Variants in TMX2 observed in about 807,000 individuals in gnomAD.
TMX2 encodes thioredoxin-related transmembrane protein 2.
Under a neutral mutation model 33.4 loss-of-function variants are expected in TMX2, and 20 were observed. The observed-to-expected ratio is 0.60, with a 90% confidence interval of 0.42 to 0.87. The LOEUF (loss-of-function observed/expected upper bound fraction) is 0.87. Ranked by LOEUF, TMX2 falls within the 40% of genes least tolerant of loss-of-function variation. The pLI, the probability that TMX2 is intolerant of heterozygous loss-of-function variation, is 0.00. For synonymous variants in TMX2, 166 were observed against 140.7 expected (o/e 1.18, Z -1.27); for missense variants, 340 against 370.7 (o/e 0.92, Z 0.68).
intron 1 of TMX2, among the ~76,000 whole-genome samples, chr11:57,732,978 G>C (rs1948492502): frequency 6.6e-6 from 1 of 152,184 alleles, no homozygotes; most frequent in East Asian, 1.9e-4. Context: ...GTTGCTCCCA[G>C]GCACAAACCT....
chr11:57,732,518 AG>A (rs1565228502), intron 1 of TMX2, among the ~76,000 whole-genome samples: 1 of 152,228 alleles, frequency 6.6e-6, no homozygotes, highest in Non-Finnish European at 1.5e-5. Flanking sequence ...TAAGTATAGG[AG>A]ACCTTTTATA....
chr11:57,740,054 C>G (rs565772262), intron 7 of TMX2, 45 bp from the exon 8 acceptor site: 1 of 1,612,870 alleles, frequency 6.2e-7, no homozygotes, highest in Admixed American at 1.7e-5. Context: ...GCTCTTTACT[C>G]TCCCTTCCAA....
rs141202046 is a variant in TMX2 at position 57,732,661 on chromosome 11, C to T, written c.190-4947C>T. Among the ~76,000 whole-genome samples the T allele has an allele frequency of 5.1e-4, 78 of 152,148 alleles. 1 individual carries two copies. The East Asian group carries it at 0.014, about 28-fold the overall frequency. The stretch of plus-strand genomic sequence containing the variant: ...TTGTTTTTCTGGAAAATTCATGGTT[C>T]ACCTATTTACCTTGCTGATTGGGAC... On this transcript the variant is annotated intron_variant, in intron 1 of 7. Coordinates refer to ENST00000278422, the MANE Select transcript of TMX2 (RefSeq NM_015959.4).
At chr11:57,720,730 TC>T (rs1243352474) in intron 1 of TMX2, among the ~76,000 whole-genome samples, 1 of 152,236 alleles carries the variant, frequency 6.6e-6, no homozygotes, top group African/African-American at 2.4e-5. Context: ...TTCTTTTTTT[TC>T]CTCTGAGTTA....
At position 57,719,020 on chromosome 11, in the gene TMX2, C is replaced by CAT. The variant is rs1157963160; in HGVS notation, c.189+6226_189+6227dup. On this transcript the variant is annotated intron_variant, in intron 1 of 7. Transcript: ENST00000278422. ...CTTAACTAAAAGCTGATATTCAGGC[C>CAT]ATATATATATATATTTTTTTTTTTT... Among the ~76,000 whole-genome samples the CAT allele has an allele frequency of 2.2e-3, 277 of 125,008 alleles. 5 individuals carry two copies. The highest frequency in any genetic ancestry group is 4.1e-3 in the East Asian group (18 of 4,348). The allele number at this position is 125,008 out of a possible 152,430, so 82.0% of individuals were successfully genotyped here.
rs370635378 is a variant in TMX2, at chr11:57,737,679, T to C, written c.250+11T>C. 8.1e-6 allele frequency: 13 copies of C among 1,613,194 alleles called. No homozygotes were observed. Among genetic ancestry groups the C allele is most frequent in the Admixed American group, 1.7e-5 (1 of 59,980 alleles). On this transcript the variant is annotated intron_variant, in intron 2 of 7. Transcript: ENST00000278422. ...AGAACCGCAGATCCAGTAAGTTTAGTTCACTTCTCAGACTCAAGGTTAGAT... is the reference window on the plus strand; with the variant it reads ...AGAACCGCAGATCCAGTAAGTTTAGCTCACTTCTCAGACTCAAGGTTAGAT...
chr11:57,731,441 T>TTC (rs1303704501), intron 1 of TMX2, among the ~76,000 whole-genome samples: 1 of 147,678 alleles, frequency 6.8e-6, no homozygotes, highest in African/African-American at 2.5e-5. Context: ...GCCTTTTTTT[T>TTC]TTTTTTTTTT....
chr11:57,732,553 T>C (rs1420985365), intron 1 of TMX2, among the ~76,000 whole-genome samples: 1 of 152,214 alleles, frequency 6.6e-6, no homozygotes, highest in African/African-American at 2.4e-5. Flanking sequence ...TGTATACTCT[T>C]ATCTAATATG....
At chr11:57,733,427 TG>T (rs1948528868) in intron 1 of TMX2, among the ~76,000 whole-genome samples, 1 of 151,914 alleles carries the variant, frequency 6.6e-6, no homozygotes, top group East Asian at 1.9e-4. Flanking sequence ...GCTGACTTTT[TG>T]TGTGTTTTTA....
rs1948832913 is a variant in TMX2 at position 57,737,672 on chromosome 11, A to G, written c.250+4A>G. On this transcript the variant is annotated splice_donor_region_variant and intron_variant, in intron 2 of 7. Coordinates refer to ENST00000278422, the MANE Select transcript of TMX2 (RefSeq NM_015959.4). The stretch of plus-strand genomic sequence containing the variant: ...ATGATGAAGAACCGCAGATCCAGTA[A>G]GTTTAGTTCACTTCTCAGACTCAAG... 2 of 1,613,740 alleles carry G rather than the reference A, an allele frequency of 1.2e-6. No individual in the cohort carries two copies. Among genetic ancestry groups the G allele is most frequent in the Non-Finnish European group, 1.7e-6 (2 of 1,179,630 alleles).
At chr11:57,731,688 G>A (rs1948420141) in intron 1 of TMX2, among the ~76,000 whole-genome samples, 1 of 152,064 alleles carries the variant, frequency 6.6e-6, no homozygotes, top group Middle Eastern at 3.2e-3. Flanking sequence ...AGGCCTCCAA[G>A]TGGTGGAGAC....
chr11:57,738,244 T>A (rs1175361952), intron 3 of TMX2, 110 bp from the exon 4 acceptor site: 1 of 842,230 alleles, frequency 1.2e-6, no homozygotes, highest in Non-Finnish European at 2.0e-6. Context: ...GGTCTACATA[T>A]ATCCACAAGT....
At chr11:57,734,598 G>C (rs1482530943) in intron 1 of TMX2, among the ~76,000 whole-genome samples, 2 of 150,802 alleles carry the variant, frequency 1.3e-5, no homozygotes, top group African/African-American at 4.9e-5. Flanking sequence ...AAATACAAAA[G>C]TTCACCGGGC....
chr11:57,712,831 C>G, intron 1 of TMX2, 24 bp downstream of exon 1: 1 of 1,613,396 alleles, frequency 6.2e-7, no homozygotes, highest in Non-Finnish European at 8.5e-7. Context: ...GTGTTAGTAC[C>G]CCGCGACCTT....
chr11:57,718,264 T>G (rs559906159), intron 1 of TMX2: 1 of 1,534,886 alleles, frequency 6.5e-7, no homozygotes, highest in East Asian at 2.3e-5. Context: ...CCTGTATGCT[T>G]TAGGATGAAG....
chr11:57,712,633 A>C lies in TMX2; in HGVS notation c.15A>C (p.Ala5=), dbSNP rs1590887215. 6.2e-7 allele frequency: 1 copy of C among 1,613,246 alleles called. No homozygotes were observed. Among genetic ancestry groups the C allele is most frequent in the African/African-American group, 1.3e-5 (1 of 74,858 alleles). The part of the protein sequence containing the change: MAVL[A]PLIALVYSVP... The stretch of plus-strand genomic sequence containing the variant: ...CGGCCGAAAAGATGGCGGTCTTGGC[A>C]CCTCTAATTGCTCTCGTGTATTCGG... The change falls in exon 1 of 8, where the codon GCA becomes GCC. Residue 5 remains alanine, a synonymous_variant. Coordinates refer to ENST00000278422, the MANE Select transcript of TMX2 (RefSeq NM_015959.4).
chr11:57,718,504 G>A lies in TMX2; in HGVS notation c.189+5697G>A, dbSNP rs567858141. ...GGCCCAGGGGCTCACCATCCACGGT[G>A]ATGTCAAAGAACACGGGGTTGACCA... On this transcript the variant is annotated intron_variant, in intron 1 of 7. Coordinates refer to ENST00000278422, the MANE Select transcript of TMX2 (RefSeq NM_015959.4). The A allele has an allele frequency of 4.4e-4, 353 of 808,334 alleles. 2 individuals carry two copies. Among genetic ancestry groups the A allele is most frequent in the Middle Eastern group, 7.0e-4 (3 of 4,304 alleles). The allele number at this position is 808,334 out of a possible 1,614,324, so 50.1% of individuals were successfully genotyped here.
rs139263475 is a variant in TMX2 at position 57,739,500 on chromosome 11, G to A, written c.744+240G>A. On this transcript the variant is annotated intron_variant, in intron 7 of 7. Transcript: ENST00000278422. ...AGGCCAGGCACGGTGGCTCACGCCTGTAATCCCAGCACTTTGGGAGGCCGA... is the reference window on the plus strand; with the variant it reads ...AGGCCAGGCACGGTGGCTCACGCCTATAATCCCAGCACTTTGGGAGGCCGA... Among the ~76,000 whole-genome samples, 925 of 152,328 alleles carry A rather than the reference G, an allele frequency of 6.1e-3. 7 individuals carry two copies. The highest frequency in any genetic ancestry group is 8.5e-3 in the Admixed American group (130 of 15,300).
At chr11:57,728,287 C>G (rs368006933) in intron 1 of TMX2, among the ~76,000 whole-genome samples, 1 of 152,138 alleles carries the variant, frequency 6.6e-6, no homozygotes, top group African/African-American at 2.4e-5. Context: ...CTCAGCCTCC[C>G]GAGTAGCTGG....
Sources: gnomAD v4.1 joint callset for allele counts (sites outside exome capture counted in the v4.1 genomes callset) on GRCh38, gnomAD v4.1.1 for gene constraint, MANE v1.5 for transcripts, NCBI Gene and HGNC (gene_info 2026-07-23, HGNC 2026-07-21) for gene names.